The following DGKE variants were observed in gnomAD, a reference collection of about 807,000 sequenced individuals.
DGKE encodes the protein DAG kinase epsilon.
DGKE carries 53 observed loss-of-function variants against 70.0 expected under a neutral mutation model. The observed-to-expected ratio is 0.76, with a 90% CI of 0.61 to 0.95. The LOEUF is 0.95. Ranked by LOEUF, DGKE falls within the 40% of genes least tolerant of loss-of-function variation. The pLI is 0.00. For missense variants in DGKE, 655 were observed against 706.9 expected (o/e 0.93, Z 0.83); for synonymous variants, 291 against 257.0 (o/e 1.13, Z -1.27).
chr17:56,851,799 T>G (rs1461733505), intron 7 of DGKE, among the ~76,000 whole-genome samples: 1 of 151,888 alleles, frequency 6.6e-6, no homozygotes, highest in Non-Finnish European at 1.5e-5. Flanking sequence ...TAGAACAGGG[T>G]TCTATAAAAG....
rs747221289 is a variant in DGKE, at chr17:56,847,910, T to C, written c.745-12T>C. ...TGGATAAAAATAATTTGTCTTTTTCTTTTGTTTCTAGGTTTTTGATGTAAC... is the reference window on the plus strand; with the variant it reads ...TGGATAAAAATAATTTGTCTTTTTCCTTTGTTTCTAGGTTTTTGATGTAAC... On this transcript the variant is annotated splice_polypyrimidine_tract_variant and intron_variant, in intron 4 of 11. Transcript: ENST00000284061. 6.5e-6 allele frequency: 10 copies of C among 1,535,278 alleles called. No homozygotes were observed. In the East Asian group the frequency reaches 1.9e-4, roughly 29 times the overall value.
intron 7 of DGKE, among the ~76,000 whole-genome samples, chr17:56,853,779 T>A (rs1218832994): frequency 6.6e-6 from 1 of 152,130 alleles, no homozygotes; most frequent in African/African-American, 2.4e-5. Context: ...AAAACTAGAA[T>A]TACCATATGT....
At position 56,853,541 on chromosome 17, in the gene DGKE, A is replaced by G. The variant is rs753609692; in HGVS notation, c.1099-2971A>G. ...GTGGATATCCAGCTTTCCCAGTACCATTTATTGATGAGACTCTCCTTTCCC... is the reference window on the plus strand; with the variant it reads ...GTGGATATCCAGCTTTCCCAGTACCGTTTATTGATGAGACTCTCCTTTCCC... On this transcript the variant is annotated intron_variant, in intron 7 of 11. Transcript: ENST00000284061. Among the ~76,000 whole-genome samples the G allele has an allele frequency of 3.9e-4, 59 of 152,160 alleles. 1 individual carries two copies. Among genetic ancestry groups the G allele is most frequent in the South Asian group, 2.1e-4 (1 of 4,826 alleles).
intron 2 of DGKE, among the ~76,000 whole-genome samples, chr17:56,836,686 G>A (rs1287738200): frequency 6.6e-6 from 1 of 152,152 alleles, no homozygotes; most frequent in African/African-American, 2.4e-5. Context: ...TCCCCATCGG[G>A]TAAGCTGACT....
At chr17:56,854,347 G>A (rs954839032) in intron 7 of DGKE, among the ~76,000 whole-genome samples, 3 of 151,806 alleles carry the variant, frequency 2.0e-5, no homozygotes, top group Non-Finnish European at 2.9e-5. Context: ...TTGAGACGGG[G>A]TCTCATTTGA....
rs373785417 is a variant in DGKE at position 56,856,520 on chromosome 17, A to G, written c.1107A>G (p.Thr369=). ...YYNLRKPKEF[T]MNNYFSVGPD... ...CTTACCCTTTCTCACAGGAATTCAC[A>G]ATGAACAACTATTTTTCTGTTGGAC... The change falls in exon 8 of 12, where the codon ACA becomes ACG. Residue 369 remains threonine, a synonymous_variant. Coordinates refer to ENST00000284061, the MANE Select transcript of DGKE (RefSeq NM_003647.3). 2 of 1,612,764 alleles carry G rather than the reference A, an allele frequency of 1.2e-6. No individual in the cohort carries two copies. Among genetic ancestry groups the G allele is most frequent in the African/African-American group, 2.7e-5 (2 of 74,868 alleles).
In DGKE at chr17:56,867,700, C is replaced by T. The variant is rs1463661849; in HGVS notation, c.*4909C>T. 2.0e-5 allele frequency: 3 copies of T among 152,012 alleles called. No homozygotes were observed. The highest frequency in any genetic ancestry group is 7.3e-5 in the African/African-American group (3 of 41,340). The allele number at this position is 152,012 out of a possible 1,614,324, so 9.4% of individuals were successfully genotyped here. A position where few individuals can be genotyped will look rare whatever the true frequency, so the allele number is the denominator to read the frequency against. On this transcript the variant is annotated 3_prime_UTR_variant, in exon 12 of 12. Transcript: ENST00000284061. ...CACGAGGTCAGGAGATCGAGACTAT[C>T]CTGGCTAACACGGTGACACCCCGCC... is the stretch of plus-strand genomic sequence containing the variant.
intron 4 of DGKE, 64 bp from the exon 5 acceptor site, chr17:56,847,858 A>C: frequency 8.0e-7 from 1 of 1,245,586 alleles, no homozygotes; most frequent in Non-Finnish European, 1.1e-6. Flanking sequence ...CTAGAGGGAA[A>C]TCATCATTAC....
Position 56,835,188 on chromosome 17 carries a change from CG to C in DGKE, c.394del (p.Val132CysfsTer37). ...TGCCCCACCACTGGATCCGGGGCAA[CG>C]TGCCCCTGTGCAGTTACTGTATGGT... Reference protein sequence around the residue: ...AMPHHWIRGNVPLCSYCMVCK... With the variant: ...AMPHHWIRGNXPLCSYCMVCK... On this transcript the variant is annotated frameshift_variant, in exon 2 of 12. Coordinates refer to ENST00000284061, the MANE Select transcript of DGKE (RefSeq NM_003647.3). LOFTEE classifies it high-confidence loss of function. The C allele has an allele frequency of 6.2e-7, 1 of 1,614,020 alleles. No homozygotes were observed.
chr17:56,834,746 C>T (rs750776751), intron 1 of DGKE, 32 bp from the exon 2 acceptor site: 2 of 1,524,882 alleles, frequency 1.3e-6, no homozygotes, highest in Non-Finnish European at 8.8e-7. Flanking sequence ...ATGGCGAGCT[C>T]GGGGTGCACC....
intron 7 of DGKE, among the ~76,000 whole-genome samples, chr17:56,854,738 G>A (rs1420813197): frequency 6.6e-6 from 1 of 152,138 alleles, no homozygotes; most frequent in Non-Finnish European, 1.5e-5. Context: ...CAGTAATAAA[G>A]CAGAGCTGAG....
At chr17:56,856,428 C>T in intron 7 of DGKE, 84 bp from the exon 8 acceptor site, 1 of 1,413,638 alleles carries the variant, frequency 7.1e-7, no homozygotes, top group Non-Finnish European at 9.5e-7. Flanking sequence ...GTCAAAAGAA[C>T]ACAAAGACTA....
intron 8 of DGKE, among the ~76,000 whole-genome samples, chr17:56,857,810 C>T (rs1056205645): frequency 6.6e-6 from 1 of 152,078 alleles, no homozygotes; most frequent in Non-Finnish European, 1.5e-5. Context: ...CATGGTGGCT[C>T]ACGCCTGTAA....
rs1439841214 is a variant in DGKE at position 56,860,566 on chromosome 17, A to G, written c.1285-1225A>G. Among the ~76,000 whole-genome samples the G allele has an allele frequency of 4.6e-5, 7 of 152,230 alleles. No homozygotes were observed. In the South Asian group the frequency reaches 6.2e-4, roughly 13 times the overall value. ...AAAAAGATATTTAAATCACATTGCA[A>G]TGCAGTATGAGAAGTTATATAAGAA... On this transcript the variant is annotated intron_variant, in intron 9 of 11. Transcript: ENST00000284061.
At position 56,835,066 on chromosome 17, in the gene DGKE, G is replaced by C. The variant is rs754934356; in HGVS notation, c.271G>C (p.Gly91Arg). Residue 91 changes from glycine to arginine, a missense_variant, in exon 2 of 12, where the codon GGG becomes CGG. Transcript: ENST00000284061. ...GCAGGGCGCCTTCTGCGACTGCTGC[G>C]GGCTCCGCGTGGACGAGGGCTGCCT... Reference protein sequence around the residue: ...ILQGAFCDCCGLRVDEGCLRK... With the variant: ...ILQGAFCDCCRLRVDEGCLRK... 1.9e-6 allele frequency: 3 copies of C among 1,613,324 alleles called. No individual in the cohort carries two copies. The South Asian group carries it at 3.3e-5, about 18-fold the overall frequency.
At chr17:56,855,290 A>G (rs1907879201) in intron 7 of DGKE, among the ~76,000 whole-genome samples, 1 of 152,224 alleles carries the variant, frequency 6.6e-6, no homozygotes, top group Non-Finnish European at 1.5e-5. Flanking sequence ...AAGCATGAAA[A>G]GAACAAGTGA....
chr17:56,859,496 T>C (rs1490936172), intron 9 of DGKE, among the ~76,000 whole-genome samples: 1 of 150,820 alleles, frequency 6.6e-6, no homozygotes, highest in Non-Finnish European at 1.5e-5. Context: ...CTCCGCTCAC[T>C]GCAAGCTCTG....
At chr17:56,837,066 A>G (rs1002211658) in intron 2 of DGKE, among the ~76,000 whole-genome samples, 14 of 152,170 alleles carry the variant, frequency 9.2e-5, no homozygotes, top group Non-Finnish European at 1.6e-4. Flanking sequence ...AGGTCCCTAG[A>G]CCAGCAGCAT....
intron 2 of DGKE, 121 bp downstream of exon 2, chr17:56,835,380 G>A (rs1906545064): frequency 2.9e-6 from 3 of 1,023,428 alleles, no homozygotes; most frequent in East Asian, 2.6e-5. Flanking sequence ...GAGGAAACAA[G>A]CTAATAAATA....
Sources: gnomAD v4.1 joint callset for allele counts (sites outside exome capture counted in the v4.1 genomes callset) on GRCh38, gnomAD v4.1.1 for gene constraint, MANE v1.5 for transcripts, NCBI Gene and HGNC (gene_info 2026-07-23, HGNC 2026-07-21) for gene names.